CNTNAP3: variants seen among roughly 807,000 people sequenced by gnomAD.
CNTNAP3 encodes the protein contactin associated protein family member 3.
Under a neutral mutation model 92.1 loss-of-function variants are expected in CNTNAP3, and 36 were observed. The ratio of observed to expected loss-of-function variants is 0.39; its 90% CI spans 0.30 to 0.52. The LOEUF (loss-of-function observed/expected upper bound fraction) is 0.52. Ranked by LOEUF, CNTNAP3 falls within the 20% of genes least tolerant of loss-of-function variation. The pLI is 0.76. For missense variants in CNTNAP3, 534 were observed against 1,069.6 expected (o/e 0.50, Z 6.98); for synonymous variants, 232 against 422.3 (o/e 0.55, Z 5.53).
rs11794921 is a variant in CNTNAP3, at chr9:39,133,034, C to A, written c.1978G>T (p.Ala660Ser). 0.019 allele frequency: 30,132 copies of A among 1,546,450 alleles called. 558 individuals carry two copies. Among genetic ancestry groups the A allele is most frequent in the East Asian group, 0.098 (4,164 of 42,348 alleles). ...GACCGCAGCTGCCCCGCGCCCGCTG[C>A]GTACGCGAAGGACACAGCCGAGCGC... ...HPRSAVSFAY[A>S]AGAGQLRSAV... The change falls in exon 13 of 24, where the codon GCA becomes TCA. Residue 660 changes from alanine to serine, a missense_variant. By Grantham distance (99) the Ala-to-Ser change is moderately conservative (BLOSUM62 1). Coordinates refer to ENST00000297668, the MANE Select transcript of CNTNAP3 (RefSeq NM_033655.5).
chr9:39,121,263 T>G (rs1287819028), intron 13 of CNTNAP3, among the ~76,000 whole-genome samples: 6 of 151,982 alleles, frequency 3.9e-5, no homozygotes, highest in African/African-American at 2.4e-5. Flanking sequence ...AGAATGGCTA[T>G]CTCATAAAAT....
rs1201102244 is a variant in CNTNAP3, at chr9:39,067,205, C to A, written c.*6685G>T. 6.6e-6 allele frequency among the ~76,000 whole-genome samples: 1 copy of A among 152,308 alleles called. No individual in the cohort carries two copies. Among genetic ancestry groups the A allele is most frequent in the Non-Finnish European group, 1.5e-5 (1 of 68,056 alleles). ...TCATCTCTCGAAGTTTAATTAAAGCCTTTTCTTGTCACATCCTAATCTTTG... is the reference window on the plus strand; with the variant it reads ...TCATCTCTCGAAGTTTAATTAAAGCATTTTCTTGTCACATCCTAATCTTTG... On this transcript the variant is annotated 3_prime_UTR_variant, in exon 24 of 24. Transcript: ENST00000297668.
At chr9:39,137,824 CTG>C (rs1330043641) in intron 12 of CNTNAP3, among the ~76,000 whole-genome samples, 1 of 152,000 alleles carries the variant, frequency 6.6e-6, no homozygotes, top group Non-Finnish European at 1.5e-5. Flanking sequence ...AATGCTTGCT[CTG>C]TCTCTTCAAA....
rs779868839 is a variant in CNTNAP3, at chr9:39,099,962, C to A, written c.2944G>T (p.Val982Phe). 1 of 1,608,428 alleles carries A rather than the reference C, an allele frequency of 6.2e-7. No homozygotes were observed. Among genetic ancestry groups the A allele is most frequent in the Non-Finnish European group, 8.5e-7 (1 of 1,178,052 alleles). Residue 982 changes from valine to phenylalanine, a missense_variant, in exon 18 of 24, where the codon GTC becomes TTC. By Grantham distance (50) the Val-to-Phe change is conservative. Transcript: ENST00000297668. The part of the protein sequence containing the change: ...GGRCREKRRG[V>F]TCDCAFSAYD... ...GCTGAGAAGGCACAGTCACAGGTGA[C>A]CCCCCTGCGTTTCTCTCTGCATCTC...
chr9:39,109,502 C>A (rs1344460738), intron 14 of CNTNAP3, among the ~76,000 whole-genome samples: 7 of 152,112 alleles, frequency 4.6e-5, no homozygotes, highest in Non-Finnish European at 7.3e-5. Flanking sequence ...TATCTTAGCT[C>A]AGCAGGCCAT....
chr9:39,066,962 T>A lies in CNTNAP3; in HGVS notation c.*6928A>T, dbSNP rs1490333361. Among the ~76,000 whole-genome samples the A allele has an allele frequency of 2.9e-4, 44 of 152,386 alleles. No individual in the cohort carries two copies. Among genetic ancestry groups the A allele is most frequent in the African/African-American group, 9.6e-4 (40 of 41,592 alleles). On this transcript the variant is annotated 3_prime_UTR_variant, in exon 24 of 24. Coordinates refer to ENST00000297668, the MANE Select transcript of CNTNAP3 (RefSeq NM_033655.5). ...TTTTTTCTATCCATCCACTCTCTTT[T>A]CTCCTTTGAGAACTCCAAATACACA...
At chr9:39,144,409 C>T in intron 10 of CNTNAP3, 63 bp from the exon 11 acceptor site, 4 of 1,509,750 alleles carry the variant, frequency 2.6e-6, no homozygotes, top group Non-Finnish European at 3.6e-6. Context: ...AAGTGTCTTA[C>T]CAAAAACAGG....
intron 12 of CNTNAP3, among the ~76,000 whole-genome samples, chr9:39,136,628 C>T (rs541920649): frequency 2.1e-4 from 32 of 152,106 alleles, no homozygotes; most frequent in African/African-American, 7.0e-4. Flanking sequence ...GGCCTGGGCA[C>T]GGTGGCTCAT....
At chr9:39,077,627 G>A (rs1435032501) in intron 23 of CNTNAP3, among the ~76,000 whole-genome samples, 3 of 151,622 alleles carry the variant, frequency 2.0e-5, no homozygotes, top group South Asian at 2.1e-4. Flanking sequence ...ACTGTCATGG[G>A]AGTATCTAAA....
At chr9:39,142,634 T>G (rs1821604108) in intron 11 of CNTNAP3, among the ~76,000 whole-genome samples, 1 of 146,820 alleles carries the variant, frequency 6.8e-6, no homozygotes, top group Non-Finnish European at 1.5e-5. Flanking sequence ...ATCATGCCAC[T>G]GGGCTCCAGC....
chr9:39,146,287 G>C (rs1264197362), intron 10 of CNTNAP3, among the ~76,000 whole-genome samples: 1 of 152,052 alleles, frequency 6.6e-6, no homozygotes, highest in Non-Finnish European at 1.5e-5. Flanking sequence ...TGCTCAGGGA[G>C]CCCCAGTTGG....
intron 15 of CNTNAP3, chr9:39,106,458 G>GT (rs201351035): frequency 0.017 from 2,599 of 152,098 alleles, 32 homozygotes; most frequent in South Asian, 0.066. Context: ...CTAATTTTTA[G>GT]TTTTTTTGTA....
intron 10 of CNTNAP3, among the ~76,000 whole-genome samples, chr9:39,145,114 G>A (rs1029286848): frequency 1.4e-5 from 2 of 138,792 alleles, no homozygotes; most frequent in Non-Finnish European, 3.2e-5. Flanking sequence ...TGGGGGCCTA[G>A]CATGCCTGCC....
At chr9:39,128,409 GAGTTGCTCT>G (rs1260265303) in intron 13 of CNTNAP3, among the ~76,000 whole-genome samples, 1 of 151,790 alleles carries the variant, frequency 6.6e-6, no homozygotes, top group Non-Finnish European at 1.5e-5. Flanking sequence ...GGCAAAATGG[GAGTTGCTCT>G]AGTTATGCAA....
chr9:39,153,111 T>C (rs185921868), intron 9 of CNTNAP3, among the ~76,000 whole-genome samples: 9 of 14,838 alleles, frequency 6.1e-4, no homozygotes, highest in South Asian at 3.0e-3. Context: ...CAAATAAAGA[T>C]ATTAAGACCC....
chr9:39,140,230 T>C (rs11790046), intron 12 of CNTNAP3, among the ~76,000 whole-genome samples: 28,474 of 151,980 alleles, frequency 0.19, 2,990 homozygotes, highest in East Asian at 0.31. Context: ...GCATGTAAAT[T>C]ACCGAATCAG....
At chr9:39,234,408 C>T (rs9407162) in intron 3 of CNTNAP3, among the ~76,000 whole-genome samples, 4 of 28,544 alleles carry the variant, frequency 1.4e-4, no homozygotes, top group African/African-American at 2.6e-4. Context: ...TATTAGGCCA[C>T]GTGGCTTTTT....
chr9:39,084,385 G>A (rs10974135), intron 21 of CNTNAP3, among the ~76,000 whole-genome samples: 33,964 of 151,116 alleles, frequency 0.22, 4,031 homozygotes, highest in East Asian at 0.36. Flanking sequence ...TAGTAGAGAC[G>A]GGGTTTCACC....
intron 13 of CNTNAP3, among the ~76,000 whole-genome samples, chr9:39,128,078 A>G (rs1005695713): frequency 6.6e-6 from 1 of 152,148 alleles, no homozygotes; most frequent in Non-Finnish European, 1.5e-5. Context: ...ACCTCAAATG[A>G]TCCATCTGCC....
Sources: gnomAD v4.1 joint callset for allele counts (sites outside exome capture counted in the v4.1 genomes callset) on GRCh38, gnomAD v4.1.1 for gene constraint, MANE v1.5 for transcripts, NCBI Gene and HGNC (gene_info 2026-07-23, HGNC 2026-07-21) for gene names.